The following ELK3 variants were observed in gnomAD, a reference collection of about 807,000 sequenced individuals.
ELK3 encodes the protein ETS transcription factor ELK3, also known as ETS domain-containing protein Elk-3.
In ELK3, 10 loss-of-function variants were observed where a neutral mutation model predicts 28.9. The ratio of observed to expected loss-of-function variants is 0.35; its 90% confidence interval spans 0.21 to 0.59. ELK3 has a LOEUF of 0.59. Ranked by LOEUF, ELK3 falls within the 20% of genes least tolerant of loss-of-function variation. ELK3 has a pLI of 0.82. For missense variants in ELK3, 463 were observed against 517.3 expected, an observed-to-expected ratio of 0.90 and a Z score of 1.02; for synonymous variants, 272 against 243.5, an observed-to-expected ratio of 1.12 and a Z score of -1.09.
At position 96,257,389 on chromosome 12, in the gene ELK3, C is replaced by T. The variant is rs572145707; in HGVS notation, c.1003-2342C>T. Reference sequence around the variant, plus strand: ...TTTCAGACATATTAAAGATGAGAAACAAGAAGGCTACAGTAGTCTGAGTAC... The same window carrying T: ...TTTCAGACATATTAAAGATGAGAAATAAGAAGGCTACAGTAGTCTGAGTAC... On this transcript the variant is annotated intron_variant, in intron 3 of 4. Coordinates refer to ENST00000228741, the MANE Select transcript of ELK3 (RefSeq NM_005230.4). Among the ~76,000 whole-genome samples the T allele has an allele frequency of 2.4e-4, 36 of 152,298 alleles. No homozygotes were observed. The South Asian group carries it at 7.5e-3, about 32-fold the overall frequency.
chr12:96,267,094 C>CT lies in ELK3; in HGVS notation c.1140dup (p.Asn381Ter). 1 of 1,613,164 alleles carries CT rather than the reference C, an allele frequency of 6.2e-7. No homozygotes were observed. The highest frequency in any genetic ancestry group is 8.5e-7 in the Non-Finnish European group (1 of 1,179,644). ...TTGTCCCCTACAGTTCCCCACACTG[C>CT]TTAATGGCCACATGCCAGTGCCAAT... On this transcript the variant is annotated frameshift_variant, in exon 5 of 5. Coordinates refer to ENST00000228741, the MANE Select transcript of ELK3 (RefSeq NM_005230.4). LOFTEE classifies it high-confidence loss of function.
chr12:96,263,429 T>C (rs1230525097), intron 4 of ELK3, among the ~76,000 whole-genome samples: 2 of 152,234 alleles, frequency 1.3e-5, no homozygotes, highest in Non-Finnish European at 2.9e-5. Flanking sequence ...TTTGTTCCAA[T>C]GTGGAATATA....
chr12:96,218,299 C>G (rs1467370123), intron 1 of ELK3, among the ~76,000 whole-genome samples: 9 of 152,188 alleles, frequency 5.9e-5, no homozygotes. Context: ...GGGGGCACCT[C>G]TTCCTGTAAG....
intron 4 of ELK3, among the ~76,000 whole-genome samples, chr12:96,262,015 A>G (rs373032848): frequency 6.7e-4 from 87 of 130,472 alleles, no homozygotes; most frequent in African/African-American, 2.4e-3. Flanking sequence ...GCCTGATAAA[A>G]ACTTTTTTTT....
At chr12:96,258,467 G>A (rs765780596) in intron 3 of ELK3, among the ~76,000 whole-genome samples, 3 of 152,202 alleles carry the variant, frequency 2.0e-5, no homozygotes, top group Non-Finnish European at 4.4e-5. Flanking sequence ...AATGCTGTTG[G>A]TAATTAATGA....
At chr12:96,241,091 C>T (rs1349842843) in intron 2 of ELK3, among the ~76,000 whole-genome samples, 1 of 152,148 alleles carries the variant, frequency 6.6e-6, no homozygotes, top group African/African-American at 2.4e-5. Context: ...CAAAGAAGAA[C>T]AAGCAGGTAT....
intron 1 of ELK3, among the ~76,000 whole-genome samples, chr12:96,217,206 G>A (rs1030996067): frequency 1.2e-4 from 19 of 152,232 alleles, no homozygotes; most frequent in African/African-American, 4.6e-4. Context: ...AGCCAAGATC[G>A]TGCCACTGCA....
chr12:96,220,515 G>T (rs1951654960), intron 1 of ELK3, among the ~76,000 whole-genome samples: 1 of 149,830 alleles, frequency 6.7e-6, no homozygotes, highest in Admixed American at 6.8e-5. Context: ...AGCCTCCCAA[G>T]TAGCTGTGAT....
chr12:96,259,623 C>A, intron 3 of ELK3, 108 bp from the exon 4 acceptor site: 1 of 1,260,200 alleles, frequency 7.9e-7, no homozygotes, highest in South Asian at 1.7e-5. Flanking sequence ...ATGGTAAGGT[C>A]GTTTCCTGGC....
chr12:96,221,487 G>T (rs1026777574), intron 1 of ELK3, among the ~76,000 whole-genome samples: 11 of 152,226 alleles, frequency 7.2e-5, no homozygotes, highest in African/African-American at 2.7e-4. Flanking sequence ...GCAGCCTTCT[G>T]CCCTCAGGAG....
intron 1 of ELK3, 35 bp downstream of exon 1, chr12:96,194,740 C>A (rs1214394529): frequency 1.4e-5 from 2 of 143,930 alleles, no homozygotes; most frequent in Non-Finnish European, 3.0e-5. Flanking sequence ...TGCTCGGACA[C>A]TTAAAAAGTT....
rs548115299 is a variant in ELK3 at position 96,269,678 on chromosome 12, C to A, written c.*2498C>A. On this transcript the variant is annotated 3_prime_UTR_variant, in exon 5 of 5. Coordinates refer to ENST00000228741, the MANE Select transcript of ELK3 (RefSeq NM_005230.4). The stretch of plus-strand genomic sequence containing the variant: ...TTATGTCTGCTTAATCAGTGTTAAA[C>A]TGCTATGGGAAAAGTTTTATAGAAC... 1 of 152,312 alleles carries A rather than the reference C, an allele frequency of 6.6e-6. No homozygotes were observed. The highest frequency in any genetic ancestry group is 1.9e-4 in the East Asian group (1 of 5,190). 9.4% of individuals were successfully genotyped at this position (152,312 alleles called of 1,614,324 possible). A position where few individuals can be genotyped will look rare whatever the true frequency, so the allele number is the denominator to read the frequency against.
chr12:96,210,494 T>G (rs1306373093), intron 1 of ELK3, among the ~76,000 whole-genome samples: 1 of 151,970 alleles, frequency 6.6e-6, no homozygotes, highest in Non-Finnish European at 1.5e-5. Context: ...GGGGCCCCTC[T>G]TGGGCTAGGC....
chr12:96,200,481 C>T (rs1951501624), intron 1 of ELK3, among the ~76,000 whole-genome samples: 1 of 152,064 alleles, frequency 6.6e-6, no homozygotes, highest in African/African-American at 2.4e-5. Context: ...GACAATATTT[C>T]CATGTCCCCA....
intron 1 of ELK3, among the ~76,000 whole-genome samples, chr12:96,220,007 A>T (rs1369864939): frequency 6.6e-6 from 1 of 152,058 alleles, no homozygotes; most frequent in Non-Finnish European, 1.5e-5. Flanking sequence ...TGTTGCGCAT[A>T]GCAACCCCTC....
intron 1 of ELK3, among the ~76,000 whole-genome samples, chr12:96,200,511 A>T (rs909007322): frequency 1.3e-5 from 2 of 152,094 alleles, no homozygotes; most frequent in African/African-American, 4.8e-5. Flanking sequence ...TGGCTTATGT[A>T]TTTAGAGACA....
intron 4 of ELK3, among the ~76,000 whole-genome samples, chr12:96,262,106 C>A (rs940427625): frequency 6.6e-6 from 1 of 151,740 alleles, no homozygotes; most frequent in African/African-American, 2.4e-5. Flanking sequence ...GCAATTTCCA[C>A]CTCCTGGGTC....
In ELK3 at chr12:96,258,326, C is replaced by T. The variant is rs140569717; in HGVS notation, c.1003-1405C>T. Among the ~76,000 whole-genome samples, 309 of 152,306 alleles carry T rather than the reference C, an allele frequency of 2.0e-3. 1 individual carries two copies. The highest frequency in any genetic ancestry group is 7.0e-3 in the African/African-American group (293 of 41,568). On this transcript the variant is annotated intron_variant, in intron 3 of 4. Coordinates refer to ENST00000228741, the MANE Select transcript of ELK3 (RefSeq NM_005230.4). Reference sequence around the variant, plus strand: ...AGGTCATTCAGTATGTAGGAAATGCCATGGAACCAACGACTCAAATAATTT... The same window carrying T: ...AGGTCATTCAGTATGTAGGAAATGCTATGGAACCAACGACTCAAATAATTT...
intron 4 of ELK3, 113 bp from the exon 5 acceptor site, chr12:96,266,969 C>T (rs1347993869): frequency 1.4e-6 from 1 of 733,282 alleles, no homozygotes; most frequent in Non-Finnish European, 2.1e-6. Flanking sequence ...TAATCTCTAT[C>T]ACAGGGGTGA....
Sources: gnomAD v4.1 joint callset for allele counts (sites outside exome capture counted in the v4.1 genomes callset) on GRCh38, gnomAD v4.1.1 for gene constraint, MANE v1.5 for transcripts, NCBI Gene and HGNC (gene_info 2026-07-23, HGNC 2026-07-21) for gene names.